The following MOXD1 variants were observed in gnomAD, a reference collection of about 807,000 sequenced individuals.
MOXD1 encodes the protein DBH-like monooxygenase protein 1.
In MOXD1, 62 loss-of-function variants were observed where a neutral mutation model predicts 66.6. The ratio of observed to expected loss-of-function variants is 0.93; its 90% CI spans 0.76 to 1.15. MOXD1 has a LOEUF of 1.15. MOXD1 is among the 50% of genes most tolerant of loss of function. MOXD1 has a pLI of 0.00. For synonymous variants in MOXD1, 303 were observed against 281.9 expected (o/e 1.07, Z -0.75); for missense variants, 847 against 754.6 (o/e 1.12, Z -1.44).
At chr6:132,311,174 A>G (rs987530717) in intron 10 of MOXD1, among the ~76,000 whole-genome samples, 42 of 152,256 alleles carry the variant, frequency 2.8e-4, no homozygotes, top group African/African-American at 9.6e-4. Flanking sequence ...CTATCCAAAT[A>G]AAAGAGTAGA....
intron 10 of MOXD1, among the ~76,000 whole-genome samples, chr6:132,313,052 G>T (rs1459756553): frequency 9.3e-6 from 1 of 107,016 alleles, no homozygotes; most frequent in Non-Finnish European, 1.7e-5. Context: ...TGTGATGCTT[G>T]GATTTTTGTT....
intron 4 of MOXD1, among the ~76,000 whole-genome samples, chr6:132,349,951 C>G (rs1302325984): frequency 4.6e-5 from 7 of 152,050 alleles, no homozygotes; most frequent in Admixed American, 3.9e-4. Context: ...ATGTCCTTAG[C>G]CTACTTTTTG....
chr6:132,344,042 G>T (rs900493986), intron 4 of MOXD1, among the ~76,000 whole-genome samples: 2 of 151,960 alleles, frequency 1.3e-5, no homozygotes, highest in Non-Finnish European at 2.9e-5. Flanking sequence ...AGACATAAAG[G>T]TATTGATTTC....
intron 1 of MOXD1, among the ~76,000 whole-genome samples, chr6:132,381,271 T>A (rs1303219533): frequency 6.6e-6 from 1 of 152,342 alleles, no homozygotes. Flanking sequence ...CTTTGTGGTA[T>A]AGAAATAGTT....
chr6:132,374,036 C>T (rs538999915), intron 2 of MOXD1, among the ~76,000 whole-genome samples: 3 of 152,154 alleles, frequency 2.0e-5, no homozygotes, highest in African/African-American at 7.2e-5. Flanking sequence ...TCGTATTGGT[C>T]TACACAAAAT....
At chr6:132,334,856 T>C (rs1562285419) in intron 4 of MOXD1, among the ~76,000 whole-genome samples, 2 of 152,212 alleles carry the variant, frequency 1.3e-5, no homozygotes, top group African/African-American at 4.8e-5. Flanking sequence ...ATGTAGAAAG[T>C]AATGAAACGA....
chr6:132,362,768 G>A (rs1344473040), intron 4 of MOXD1, among the ~76,000 whole-genome samples: 2 of 152,112 alleles, frequency 1.3e-5, no homozygotes, highest in Admixed American at 6.6e-5. Context: ...TACAAGACGT[G>A]TCCAATAAGA....
At chr6:132,377,853 C>A (rs191153724) in intron 1 of MOXD1, among the ~76,000 whole-genome samples, 235 of 152,234 alleles carry the variant, frequency 1.5e-3, no homozygotes, top group Non-Finnish European at 2.6e-3. Flanking sequence ...ACAGGCTGGG[C>A]GCAGTGGCTC....
chr6:132,389,327 A>G (rs1477758676), intron 1 of MOXD1, among the ~76,000 whole-genome samples: 1 of 151,556 alleles, frequency 6.6e-6, no homozygotes, highest in East Asian at 1.9e-4. Flanking sequence ...AGCACATGCT[A>G]GCCCTTGTTT....
chr6:132,328,455 G>A lies in MOXD1; in HGVS notation c.803C>T (p.Thr268Ile). The stretch of plus-strand genomic sequence containing the variant: ...CCAGGCAAAAATCACAGTTTCACAG[G>A]TGAGGAATGCATCGGGCATGTTGGG... Reference protein sequence around the residue: ...YHPNMPDAFLTCETVIFAWAI... With the variant: ...YHPNMPDAFLICETVIFAWAI... Residue 268 changes from threonine to isoleucine, a missense_variant, in exon 5 of 12, where the codon ACC becomes ATC. Transcript: ENST00000367963. 1.2e-6 allele frequency: 2 copies of A among 1,613,548 alleles called. No homozygotes were observed. The highest frequency in any genetic ancestry group is 1.7e-6 in the Non-Finnish European group (2 of 1,179,496).
chr6:132,380,236 C>T (rs1480307831), intron 1 of MOXD1, among the ~76,000 whole-genome samples: 2 of 152,196 alleles, frequency 1.3e-5, no homozygotes, highest in African/African-American at 4.8e-5. Flanking sequence ...CTCAGTGTGT[C>T]ATTGCATTTT....
chr6:132,321,179 GC>G (rs1346959791), intron 8 of MOXD1, among the ~76,000 whole-genome samples: 1 of 151,912 alleles, frequency 6.6e-6, no homozygotes. Flanking sequence ...GCAGAGAATT[GC>G]TTGAACCCAG....
chr6:132,330,699 A>C (rs1775299659), intron 4 of MOXD1, among the ~76,000 whole-genome samples: 1 of 152,190 alleles, frequency 6.6e-6, no homozygotes, highest in African/African-American at 2.4e-5. Flanking sequence ...CGCATTTTAA[A>C]ATCCTTGCTT....
intron 4 of MOXD1, among the ~76,000 whole-genome samples, chr6:132,356,474 A>G: frequency 6.6e-6 from 1 of 152,222 alleles, no homozygotes; most frequent in East Asian, 1.9e-4. Flanking sequence ...CAAATATATT[A>G]AAGTTTGAAA....
chr6:132,333,330 C>T (rs866258466), intron 4 of MOXD1, among the ~76,000 whole-genome samples: 70 of 110,342 alleles, frequency 6.3e-4, no homozygotes, highest in Admixed American at 2.5e-3. Context: ...AGTGAGACTC[C>T]GTCTCAAAAA....
intron 9 of MOXD1, among the ~76,000 whole-genome samples, chr6:132,318,407 G>C (rs1402545890): frequency 6.6e-6 from 1 of 151,780 alleles, no homozygotes; most frequent in African/African-American, 2.4e-5. Context: ...ATCTCACTCT[G>C]GTTTATATTT....
intron 1 of MOXD1, among the ~76,000 whole-genome samples, chr6:132,398,503 T>A (rs1278928246): frequency 2.6e-5 from 4 of 152,174 alleles, no homozygotes; most frequent in South Asian, 2.1e-4. Flanking sequence ...ATTGTCCAAC[T>A]CTTAGTGGCT....
chr6:132,348,039 A>C (rs143790483), intron 4 of MOXD1, among the ~76,000 whole-genome samples: 1 of 152,156 alleles, frequency 6.6e-6, no homozygotes, highest in Non-Finnish European at 1.5e-5. Flanking sequence ...CCGTGGGTGA[A>C]TCTCCATCCT....
intron 4 of MOXD1, among the ~76,000 whole-genome samples, chr6:132,351,728 C>T (rs1292319924): frequency 6.6e-6 from 1 of 151,906 alleles, no homozygotes; most frequent in Non-Finnish European, 1.5e-5. Context: ...ACCAATTCTT[C>T]TTTGAATGCC....
Sources: gnomAD v4.1 joint callset for allele counts (sites outside exome capture counted in the v4.1 genomes callset) on GRCh38, gnomAD v4.1.1 for gene constraint, MANE v1.5 for transcripts, NCBI Gene and HGNC (gene_info 2026-07-23, HGNC 2026-07-21) for gene names.